The following THSD7A variants were observed in gnomAD, a reference collection of about 807,000 sequenced individuals.
THSD7A encodes the protein thrombospondin type 1 domain containing 7A, also known as thrombospondin type-1 domain-containing protein 7A.
In THSD7A, 96 loss-of-function variants were observed where a neutral mutation model predicts 231.3. The observed-to-expected ratio is 0.41, with a 90% CI of 0.35 to 0.49. The LOEUF (loss-of-function observed/expected upper bound fraction) is 0.49. THSD7A is among the 20% of genes least tolerant of loss of function. The pLI is 0.05. For missense variants in THSD7A, 2,290 were observed against 2,070.2 expected, an observed-to-expected ratio of 1.11 and a Z score of -2.06; for synonymous variants, 940 against 743.3, an observed-to-expected ratio of 1.26 and a Z score of -4.30.
chr7:11,705,988 GTC>G (rs1230526070), intron 1 of THSD7A, among the ~76,000 whole-genome samples: 1 of 150,810 alleles, frequency 6.6e-6, no homozygotes, highest in Non-Finnish European at 1.5e-5. Flanking sequence ...TTCTGTTATA[GTC>G]TCTATGCTAC....
intron 22 of THSD7A, among the ~76,000 whole-genome samples, chr7:11,405,607 A>G (rs1783556352): frequency 6.6e-6 from 1 of 152,146 alleles, no homozygotes; most frequent in South Asian, 2.1e-4. Flanking sequence ...TCAAGCCCAA[A>G]TTCATAAATA....
intron 1 of THSD7A, among the ~76,000 whole-genome samples, chr7:11,677,584 C>CAAA (rs553030554): frequency 3.1e-4 from 7 of 22,274 alleles, no homozygotes; most frequent in African/African-American, 1.0e-3. Context: ...AAATGGAAAG[C>CAAA]AAAAAAAAAA....
At chr7:11,695,211 A>G (rs181644108) in intron 1 of THSD7A, among the ~76,000 whole-genome samples, 1 of 151,598 alleles carries the variant, frequency 6.6e-6, no homozygotes, top group Admixed American at 6.6e-5. Flanking sequence ...ACCATAATAC[A>G]CTTTAACTAA....
At chr7:11,475,597 C>CAT (rs61076481) in intron 7 of THSD7A, among the ~76,000 whole-genome samples, 8 of 147,582 alleles carry the variant, frequency 5.4e-5, no homozygotes, top group Admixed American at 2.0e-4. Flanking sequence ...ATGTATATAA[C>CAT]ATATATATAA....
At chr7:11,729,131 C>T (rs1013920926) in intron 1 of THSD7A, among the ~76,000 whole-genome samples, 8 of 151,716 alleles carry the variant, frequency 5.3e-5, no homozygotes, top group Non-Finnish European at 1.2e-4. Context: ...GGAAGTTACA[C>T]AGACAACGTT....
intron 1 of THSD7A, among the ~76,000 whole-genome samples, chr7:11,709,679 T>A (rs1780887715): frequency 6.6e-6 from 1 of 150,720 alleles, no homozygotes; most frequent in African/African-American, 2.4e-5. Flanking sequence ...ATGAAACACC[T>A]AGAAGAAGCC....
intron 2 of THSD7A, among the ~76,000 whole-genome samples, chr7:11,596,153 A>C (rs1414624075): frequency 6.6e-6 from 1 of 152,226 alleles, no homozygotes; most frequent in African/African-American, 2.4e-5. Context: ...GGGGAAGAAC[A>C]CCACTACATT....
At chr7:11,511,722 G>C (rs1194801497) in intron 6 of THSD7A, among the ~76,000 whole-genome samples, 1 of 152,186 alleles carries the variant, frequency 6.6e-6, no homozygotes, top group Non-Finnish European at 1.5e-5. Context: ...GGGAAAACTG[G>C]CTAGCCATAT....
At chr7:11,823,109 C>A (rs1037311390) in intron 1 of THSD7A, among the ~76,000 whole-genome samples, 8 of 151,808 alleles carry the variant, frequency 5.3e-5, no homozygotes. Context: ...GATGTTAATC[C>A]CTCTTGGGTA....
Position 11,636,889 on chromosome 7 carries a change from T to C in THSD7A, c.263A>G (p.His88Arg). ...GIQTRAVWCA[H>R]VEGWTTLHTN... ...ATGCAGTGTAGTCCATCCCTCCACATGAGCACACCACACAGCCCTCGTTTG... is the reference window on the plus strand; with the variant it reads ...ATGCAGTGTAGTCCATCCCTCCACACGAGCACACCACACAGCCCTCGTTTG... Residue 88 changes from histidine to arginine, a missense_variant, in exon 2 of 28, where the codon CAT (histidine) becomes CGT (arginine). Physicochemically the swap from His to Arg is conservative, Grantham distance 29. Transcript: ENST00000423059. This position sits in a 1 kb window ranked among gnomAD's most constrained non-coding sequence, Gnocchi z 10.0. 1 of 1,613,882 alleles carries C rather than the reference T, an allele frequency of 6.2e-7. No homozygotes were observed. The highest frequency in any genetic ancestry group is 8.5e-7 in the Non-Finnish European group (1 of 1,179,884).
chr7:11,488,950 C>CTG (rs57523568), intron 6 of THSD7A, among the ~76,000 whole-genome samples: 25,585 of 151,926 alleles, frequency 0.17, 2,340 homozygotes, highest in South Asian at 0.25. Flanking sequence ...TTTTCTTCCT[C>CTG]TGTGAACATT....
intron 1 of THSD7A, among the ~76,000 whole-genome samples, chr7:11,737,653 T>A (rs931580256): frequency 6.6e-6 from 1 of 152,022 alleles, no homozygotes; most frequent in East Asian, 1.9e-4. Flanking sequence ...TGTGTCATAT[T>A]TGTCATATTC....
chr7:11,729,623 T>C (rs555343267), intron 1 of THSD7A, among the ~76,000 whole-genome samples: 3 of 151,830 alleles, frequency 2.0e-5, no homozygotes, highest in Non-Finnish European at 4.4e-5. Flanking sequence ...GGTTTTCTCA[T>C]GTAAATAACT....
At chr7:11,426,231 C>T (rs530035835) in intron 15 of THSD7A, among the ~76,000 whole-genome samples, 4 of 152,262 alleles carry the variant, frequency 2.6e-5, no homozygotes, top group African/African-American at 7.2e-5. Flanking sequence ...GAGAAATGCT[C>T]TTCTTCTTAA....
At chr7:11,800,008 A>G (rs1784232166) in intron 1 of THSD7A, among the ~76,000 whole-genome samples, 1 of 152,198 alleles carries the variant, frequency 6.6e-6, no homozygotes, top group Non-Finnish European at 1.5e-5. Flanking sequence ...TGAGATAGGA[A>G]AACCCTTAAA....
At chr7:11,548,235 T>G (rs1789480476) in intron 4 of THSD7A, among the ~76,000 whole-genome samples, 1 of 152,050 alleles carries the variant, frequency 6.6e-6, no homozygotes, top group Non-Finnish European at 1.5e-5. Flanking sequence ...GATACCTCTA[T>G]GCACACAACC....
chr7:11,620,096 G>A (rs1781254458), intron 2 of THSD7A, among the ~76,000 whole-genome samples: 1 of 152,106 alleles, frequency 6.6e-6, no homozygotes, highest in Non-Finnish European at 1.5e-5. Context: ...AATAAAACTA[G>A]TTAAGTAATT....
intron 1 of THSD7A, among the ~76,000 whole-genome samples, chr7:11,753,292 T>C (rs1782564404): frequency 6.6e-6 from 1 of 152,130 alleles, no homozygotes; most frequent in African/African-American, 2.4e-5. Flanking sequence ...TGTAGATATA[T>C]GTTTTGCAGT....
intron 6 of THSD7A, among the ~76,000 whole-genome samples, chr7:11,512,957 A>ATATATATATG (rs962525158): frequency 2.6e-4 from 38 of 144,546 alleles, no homozygotes; most frequent in African/African-American, 1.0e-3. Flanking sequence ...ATATATATAT[A>ATATATATATG]TATGTAAAAT....
Sources: gnomAD v4.1 joint callset for allele counts (sites outside exome capture counted in the v4.1 genomes callset) on GRCh38, gnomAD v4.1.1 for gene constraint, Gnocchi (gnomAD v3.1) non-coding constraint, MANE v1.5 for transcripts, NCBI Gene and HGNC (gene_info 2026-07-23, HGNC 2026-07-21) for gene names.